Variants in TGFBR1 observed in about 807,000 individuals in gnomAD.
TGFBR1 encodes the protein transforming growth factor beta receptor 1.
Under a neutral mutation model 55.1 loss-of-function variants are expected in TGFBR1, and 20 were observed. The observed-to-expected ratio is 0.36, with a 90% confidence interval of 0.26 to 0.53. The LOEUF is 0.53. TGFBR1 is among the 20% of genes least tolerant of loss of function. The pLI is 0.91. For synonymous variants in TGFBR1, 220 were observed against 214.8 expected (o/e 1.02, Z -0.21); for missense variants, 385 against 617.6 (o/e 0.62, Z 3.99).
chr9:99,132,899 T>C (rs775024162), intron 3 of TGFBR1, among the ~76,000 whole-genome samples, 160 bp downstream of exon 3: 2 of 152,208 alleles, frequency 1.3e-5, no homozygotes, highest in East Asian at 1.9e-4. Flanking sequence ...GATGTATATA[T>C]GACTGTGGCT....
intron 5 of TGFBR1, among the ~76,000 whole-genome samples, chr9:99,143,070 C>A (rs1368104835): frequency 6.6e-6 from 1 of 151,750 alleles, no homozygotes; most frequent in Non-Finnish European, 1.5e-5. Context: ...GAAAAAAAAA[C>A]AAAAACAAAA....
chr9:99,134,799 CCATTATATATATATATATATATATA>C (rs1827368850), intron 3 of TGFBR1, among the ~76,000 whole-genome samples: 1 of 69,768 alleles, frequency 1.4e-5, no homozygotes, highest in African/African-American at 5.4e-5. Context: ...AATTCTGTTT[CCATTATATATATATATATATATATA>C]TATATATATA....
At chr9:99,148,333 T>C (rs1827866601) in intron 8 of TGFBR1, among the ~76,000 whole-genome samples, 1 of 152,234 alleles carries the variant, frequency 6.6e-6, no homozygotes, top group Admixed American at 6.5e-5. Context: ...TCTGAGCTGC[T>C]CAACTTCAGC....
chr9:99,135,648 A>G (rs182162786), intron 3 of TGFBR1, among the ~76,000 whole-genome samples: 117 of 152,252 alleles, frequency 7.7e-4, no homozygotes. Context: ...AGTGTTTGTT[A>G]TGGCGTGTGC....
rs201021249 is a variant in TGFBR1 at position 99,137,956 on chromosome 9, G to A, written c.672G>A (p.Trp224Ter). The A allele has an allele frequency of 6.2e-7, 1 of 1,614,080 alleles. No individual in the cohort carries two copies. The highest frequency in any genetic ancestry group is 8.5e-7 in the Non-Finnish European group (1 of 1,179,958). ...GRFGEVWRGK[W>*]RGEEVAVKIF... ...TTGGAGAAGTTTGGAGAGGAAAGTGGCGGGGAGAAGAAGTTGCTGTTAAGA... is the reference window on the plus strand; with the variant it reads ...TTGGAGAAGTTTGGAGAGGAAAGTGACGGGGAGAAGAAGTTGCTGTTAAGA... Residue 224 changes from tryptophan to a stop codon, truncating the protein, a stop_gained, in exon 4 of 9, where the codon TGG becomes TGA. Coordinates refer to ENST00000374994, the MANE Select transcript of TGFBR1 (RefSeq NM_004612.4). LOFTEE classifies it high-confidence loss of function.
intron 2 of TGFBR1, among the ~76,000 whole-genome samples, chr9:99,129,414 A>T (rs1827147427): frequency 6.6e-6 from 1 of 152,196 alleles, no homozygotes; most frequent in African/African-American, 2.4e-5. Context: ...CTCAGAGTGA[A>T]TTTCTTCTTC....
intron 1 of TGFBR1, among the ~76,000 whole-genome samples, chr9:99,107,358 A>G (rs1826442293): frequency 6.6e-6 from 1 of 152,202 alleles, no homozygotes. Context: ...TTCTCTGCCC[A>G]ACTTCTGTCT....
chr9:99,131,738 G>A (rs1827231118), intron 2 of TGFBR1, among the ~76,000 whole-genome samples: 1 of 152,188 alleles, frequency 6.6e-6, no homozygotes, highest in African/African-American at 2.4e-5. Flanking sequence ...GGAAGCCAAG[G>A]TAGGTGGATC....
chr9:99,125,436 T>G (rs1827012232), intron 1 of TGFBR1, among the ~76,000 whole-genome samples: 1 of 152,228 alleles, frequency 6.6e-6, no homozygotes, highest in Admixed American at 6.5e-5. Context: ...TACAATTATA[T>G]TTACTGCTAA....
At chr9:99,133,807 T>C (rs760216953) in intron 3 of TGFBR1, among the ~76,000 whole-genome samples, 1 of 151,958 alleles carries the variant, frequency 6.6e-6, no homozygotes, top group Non-Finnish European at 1.5e-5. Context: ...ATAATGAAAA[T>C]TTCACTAATT....
chr9:99,123,222 A>G (rs923055948), intron 1 of TGFBR1, among the ~76,000 whole-genome samples: 1 of 152,074 alleles, frequency 6.6e-6, no homozygotes, highest in Non-Finnish European at 1.5e-5. Context: ...ACAACCCATC[A>G]TGTCTTAACC....
intron 6 of TGFBR1, among the ~76,000 whole-genome samples, chr9:99,146,164 G>A (rs1309050229): frequency 6.6e-6 from 1 of 152,110 alleles, no homozygotes; most frequent in Non-Finnish European, 1.5e-5. Context: ...AAATTAAAAT[G>A]CATGGTTTCT....
intron 1 of TGFBR1, among the ~76,000 whole-genome samples, chr9:99,110,140 T>C (rs2118255658): frequency 6.6e-6 from 1 of 152,334 alleles, no homozygotes; most frequent in East Asian, 1.9e-4. Flanking sequence ...TCTTAAATAC[T>C]AGTGGACTAA....
chr9:99,120,463 C>T (rs957653840), intron 1 of TGFBR1, among the ~76,000 whole-genome samples: 1 of 152,178 alleles, frequency 6.6e-6, no homozygotes, highest in African/African-American at 2.4e-5. Context: ...CCCCTCAACT[C>T]ATTGAAGTGG....
chr9:99,129,547 C>T lies in TGFBR1; in HGVS notation c.343+447C>T, dbSNP rs558978905. 1.2e-4 allele frequency among the ~76,000 whole-genome samples: 18 copies of T among 152,224 alleles called. No homozygotes were observed. In the South Asian group the frequency reaches 2.9e-3, roughly 25 times the overall value. On this transcript the variant is annotated intron_variant, in intron 2 of 8. Transcript: ENST00000374994. ...TTCAGCTTGTTTTATGATCTTTTTG[C>T]GTAAATTAATTATACATGATTTCTA...
rs1480226498 is a variant in TGFBR1, at chr9:99,138,034, A to G, written c.750A>G (p.Gln250=). 4 of 1,614,078 alleles carry G rather than the reference A, an allele frequency of 2.5e-6. No homozygotes were observed. Among genetic ancestry groups the G allele is most frequent in the South Asian group, 1.1e-5 (1 of 91,084 alleles). ...GGTTCCGTGAGGCAGAGATTTATCA[A>G]ACTGTAATGTTACGTCATGAAAACA... The part of the protein sequence containing the change: ...RSWFREAEIY[Q]TVMLRHENIL... The change falls in exon 4 of 9, where the codon CAA becomes CAG. Residue 250 remains glutamine, a synonymous_variant. Transcript: ENST00000374994.
chr9:99,117,048 C>A (rs1826766596), intron 1 of TGFBR1, among the ~76,000 whole-genome samples: 1 of 152,178 alleles, frequency 6.6e-6, no homozygotes, highest in Non-Finnish European at 1.5e-5. Flanking sequence ...ACTGCAACCA[C>A]AATTTAACTG....
rs1372529325 is a variant in TGFBR1 at position 99,105,321 on chromosome 9, G to GGCGGGCGACTGCGGGGCGC, written c.97+26_97+44dup. On this transcript the variant is annotated intron_variant, in intron 1 of 8. Transcript: ENST00000374994. ...GCGACGGGTGAGCGGCGGCGCGGCG[G>GGCGGGCGACTGCGGGGCGC]GCGGGCGACTGCGGGGCGCGCGGGC... 6.1e-6 allele frequency: 6 copies of GGCGGGCGACTGCGGGGCGC among 981,708 alleles called. No individual in the cohort carries two copies. Among genetic ancestry groups the GGCGGGCGACTGCGGGGCGC allele is most frequent in the Non-Finnish European group, 7.2e-6 (6 of 828,902 alleles). 60.8% of individuals were successfully genotyped at this position (981,708 alleles called of 1,614,324 possible).
intron 3 of TGFBR1, among the ~76,000 whole-genome samples, chr9:99,134,826 A>ATATACATATATATATATATATG (rs1827376954): frequency 9.2e-6 from 1 of 108,856 alleles, no homozygotes; most frequent in African/African-American, 3.3e-5. Context: ...ATATATATAT[A>ATATACATATATATATATATATG]TATATATATA....
Sources: gnomAD v4.1 joint callset for allele counts (sites outside exome capture counted in the v4.1 genomes callset) on GRCh38, gnomAD v4.1.1 for gene constraint, MANE v1.5 for transcripts, NCBI Gene and HGNC (gene_info 2026-07-23, HGNC 2026-07-21) for gene names.